SLC39A11: variants seen among roughly 807,000 people sequenced by gnomAD.
The protein encoded by SLC39A11 is solute carrier family 39 member 11.
In SLC39A11, 33 loss-of-function variants were observed where a neutral mutation model predicts 36.1. The ratio of observed to expected loss-of-function variants is 0.91; its 90% confidence interval spans 0.69 to 1.22. The LOEUF (loss-of-function observed/expected upper bound fraction) is 1.22, where lower values mean the gene tolerates loss of function less well. Among genes scored for constraint, SLC39A11 ranks in the 50% most tolerant of loss-of-function variants. The pLI is 0.00. For synonymous variants in SLC39A11, 166 were observed against 170.3 expected (o/e 0.97, Z 0.20); for missense variants, 432 against 430.3 (o/e 1.00, Z -0.03).
At chr17:72,950,683 T>C (rs2147780534) in intron 4 of SLC39A11, among the ~76,000 whole-genome samples, 1 of 152,330 alleles carries the variant, frequency 6.6e-6, no homozygotes, top group African/African-American at 2.4e-5. Context: ...AGGAGAACCA[T>C]TTCATTACAG....
intron 7 of SLC39A11, among the ~76,000 whole-genome samples, chr17:72,676,468 C>T (rs1398476130): frequency 6.6e-6 from 1 of 152,058 alleles, no homozygotes; most frequent in Admixed American, 6.6e-5. Context: ...ATTAGCACAT[C>T]GAAAGAGCTG....
chr17:73,073,473 G>C (rs1193053847), intron 3 of SLC39A11, among the ~76,000 whole-genome samples: 1 of 152,142 alleles, frequency 6.6e-6, no homozygotes, highest in Non-Finnish European at 1.5e-5. Context: ...AACCAACCCT[G>C]TTACACTGTC....
At chr17:72,787,418 C>T (rs534191806) in intron 6 of SLC39A11, among the ~76,000 whole-genome samples, 8 of 152,006 alleles carry the variant, frequency 5.3e-5, no homozygotes, top group Non-Finnish European at 1.2e-4. Context: ...CCACCACGCC[C>T]GGCTAATTTT....
intron 4 of SLC39A11, among the ~76,000 whole-genome samples, chr17:73,019,994 C>T (rs959557448): frequency 2.0e-5 from 3 of 152,062 alleles, no homozygotes; most frequent in Non-Finnish European, 4.4e-5. Context: ...GACTTCAGGA[C>T]AAAAAGTATT....
chr17:73,055,599 A>G (rs1489186304), intron 3 of SLC39A11, among the ~76,000 whole-genome samples: 1 of 142,384 alleles, frequency 7.0e-6, no homozygotes, highest in Non-Finnish European at 1.5e-5. Context: ...TGGCTGGATA[A>G]TTTGTGTATG....
At chr17:72,748,061 C>T (rs2075010101) in intron 6 of SLC39A11, among the ~76,000 whole-genome samples, 2 of 152,286 alleles carry the variant, frequency 1.3e-5, no homozygotes, top group African/African-American at 4.8e-5. Flanking sequence ...GTGGCTCACG[C>T]CTGTAATCCC....
At chr17:72,756,974 C>T (rs2075380463) in intron 6 of SLC39A11, among the ~76,000 whole-genome samples, 1 of 147,302 alleles carries the variant, frequency 6.8e-6, no homozygotes, top group Non-Finnish European at 1.5e-5. Flanking sequence ...ATGGTGAAAC[C>T]CAGTCTCTGC....
At chr17:72,852,330 C>G (rs2079393377) in intron 5 of SLC39A11, among the ~76,000 whole-genome samples, 1 of 151,968 alleles carries the variant, frequency 6.6e-6, no homozygotes, top group African/African-American at 2.4e-5. Flanking sequence ...CACTCCTCCC[C>G]AGCTCCCAAT....
rs2069603099 is a variant in SLC39A11, at chr17:72,647,361, A to G, written c.*223T>C. ...GTCCATTCAGTGGCCAAAACAAAGA[A>G]TCTGTATTTCCATGACACCTTAAAA... On this transcript the variant is annotated 3_prime_UTR_variant, in exon 10 of 10. Coordinates refer to ENST00000255559, the MANE Select transcript of SLC39A11 (RefSeq NM_139177.4). 2.6e-6 allele frequency: 1 copy of G among 391,034 alleles called. No homozygotes were observed. Among genetic ancestry groups the G allele is most frequent in the Non-Finnish European group, 4.6e-6 (1 of 216,808 alleles). The allele number at this position is 391,034 out of a possible 1,614,324, so 24.2% of individuals were successfully genotyped here. A position where few individuals can be genotyped will look rare whatever the true frequency, so the allele number is the denominator to read the frequency against.
chr17:72,796,272 C>T (rs2076892022), intron 6 of SLC39A11, among the ~76,000 whole-genome samples: 1 of 152,148 alleles, frequency 6.6e-6, no homozygotes, highest in South Asian at 2.1e-4. Context: ...AGCGAGGCTT[C>T]TCTCATCGTC....
chr17:73,038,272 G>T (rs943822830), intron 3 of SLC39A11, among the ~76,000 whole-genome samples: 4 of 151,508 alleles, frequency 2.6e-5, no homozygotes. Context: ...AAAGGGCTAA[G>T]GAGGAAATGA....
At chr17:72,703,003 G>A in intron 7 of SLC39A11, among the ~76,000 whole-genome samples, 1 of 150,850 alleles carries the variant, frequency 6.6e-6, no homozygotes, top group Non-Finnish European at 1.5e-5. Flanking sequence ...TGTGGGGTTG[G>A]GAGTCAGAAA....
chr17:72,744,084 C>T (rs1440185514), intron 6 of SLC39A11, among the ~76,000 whole-genome samples: 4 of 152,182 alleles, frequency 2.6e-5, no homozygotes, highest in Admixed American at 6.5e-5. Flanking sequence ...GCCTCCTCTG[C>T]GGAAAACAGT....
At chr17:72,999,432 A>G (rs1165027906) in intron 4 of SLC39A11, among the ~76,000 whole-genome samples, 2 of 152,106 alleles carry the variant, frequency 1.3e-5, no homozygotes, top group African/African-American at 4.8e-5. Flanking sequence ...AGGGCTTAGC[A>G]CTCTGCAGGG....
At chr17:72,861,758 A>ATATATACACACATTGGAGAT (rs2080043372) in intron 5 of SLC39A11, among the ~76,000 whole-genome samples, 1 of 91,866 alleles carries the variant, frequency 1.1e-5, no homozygotes, top group African/African-American at 5.5e-5. Flanking sequence ...ATATATATAT[A>ATATATACACACATTGGAGAT]TATATATATA....
intron 3 of SLC39A11, among the ~76,000 whole-genome samples, chr17:73,047,102 G>A (rs919909644): frequency 2.0e-5 from 3 of 147,518 alleles, no homozygotes; most frequent in African/African-American, 7.6e-5. Flanking sequence ...TCGGCTCACT[G>A]CAGGCTCCAC....
At chr17:73,053,993 T>G (rs2059587486) in intron 3 of SLC39A11, among the ~76,000 whole-genome samples, 1 of 152,186 alleles carries the variant, frequency 6.6e-6, no homozygotes, top group African/African-American at 2.4e-5. Context: ...CATTCTGATG[T>G]TCCAGTAATA....
intron 2 of SLC39A11, 62 bp from the exon 3 acceptor site, chr17:73,084,908 A>G (rs2060669456): frequency 6.4e-6 from 10 of 1,567,258 alleles, no homozygotes; most frequent in Non-Finnish European, 8.8e-6. Flanking sequence ...TTCCTGGGAC[A>G]AGAAGAAACC....
At chr17:72,958,972 C>T (rs2086424555) in intron 4 of SLC39A11, among the ~76,000 whole-genome samples, 1 of 150,818 alleles carries the variant, frequency 6.6e-6, no homozygotes, top group Non-Finnish European at 1.5e-5. Context: ...TGCAATAGCA[C>T]CTTAATCCTG....
Sources: allele counts gnomAD v4.1 joint callset (sites outside exome capture counted in the v4.1 genomes callset), GRCh38; gene constraint gnomAD v4.1.1; transcripts MANE v1.5; gene names NCBI Gene and HGNC (gene_info 2026-07-23, HGNC 2026-07-21).